Variants in SNX29 observed in about 807,000 individuals in gnomAD.
The protein encoded by SNX29 is sorting nexin-29.
SNX29 carries 78 observed loss-of-function variants against 102.1 expected under a neutral mutation model. That is an observed-to-expected ratio of 0.76 (90% CI 0.64 to 0.92). The LOEUF is 0.92. Among genes scored for constraint, SNX29 ranks in the 40% least tolerant of loss-of-function variants. SNX29 has a pLI of 0.00. For synonymous variants in SNX29, 580 were observed against 414.5 expected (o/e 1.40, Z -4.85); for missense variants, 1,280 against 1,061.7 (o/e 1.21, Z -2.86).
Position 12,254,597 on chromosome 16 carries a change from C to A in SNX29, c.1679-23336C>A, listed in dbSNP as rs190485771. ...CAGAGGTTGCAGTGAGCTGAGATTG[C>A]GCCACTGTATTCCAGCCTGGGTGAC... On this transcript the variant is annotated intron_variant, in intron 14 of 20. Transcript: ENST00000566228. Among the ~76,000 whole-genome samples, 47 of 151,778 alleles carry A rather than the reference C, an allele frequency of 3.1e-4. 1 individual carries two copies. The highest frequency in any genetic ancestry group is 1.1e-3 in the African/African-American group (46 of 41,362).
chr16:12,550,159 T>A (rs1040735224), intron 20 of SNX29, among the ~76,000 whole-genome samples: 2 of 152,164 alleles, frequency 1.3e-5, no homozygotes, highest in African/African-American at 4.8e-5. Flanking sequence ...CCGCATGTAG[T>A]GATATGGAAA....
chr16:12,280,539 T>A (rs1249745892), intron 15 of SNX29, among the ~76,000 whole-genome samples: 1 of 152,120 alleles, frequency 6.6e-6, no homozygotes, highest in African/African-American at 2.4e-5. Context: ...TTGTTTTTTT[T>A]ATCCCGGGAG....
chr16:12,471,950 T>C (rs2087362510), intron 18 of SNX29, among the ~76,000 whole-genome samples: 1 of 152,214 alleles, frequency 6.6e-6, no homozygotes. Flanking sequence ...CACACTGAGG[T>C]CTATGACTGC....
intron 14 of SNX29, among the ~76,000 whole-genome samples, chr16:12,265,625 C>CT (rs1425768649): frequency 3.8e-5 from 5 of 131,012 alleles, no homozygotes; most frequent in Non-Finnish European, 7.7e-5. Flanking sequence ...CACTGGGAGG[C>CT]TGAGGTGGGT....
chr16:12,324,246 C>T (rs567794350), intron 15 of SNX29, among the ~76,000 whole-genome samples: 3 of 151,964 alleles, frequency 2.0e-5, no homozygotes, highest in South Asian at 2.1e-4. Flanking sequence ...CAGCCCATCA[C>T]CACTGGTCTC....
chr16:12,062,115 A>G (rs2050800723), intron 9 of SNX29, among the ~76,000 whole-genome samples: 1 of 152,056 alleles, frequency 6.6e-6, no homozygotes, highest in South Asian at 2.1e-4. Context: ...GCGATATCTC[A>G]TGCCTGTAAT....
At chr16:12,047,875 T>C (rs1194459239) in intron 6 of SNX29, among the ~76,000 whole-genome samples, 48 of 152,070 alleles carry the variant, frequency 3.2e-4, no homozygotes, top group Non-Finnish European at 4.4e-5. Context: ...CAGGCTGGTC[T>C]CGAACTCCTG....
intron 19 of SNX29, among the ~76,000 whole-genome samples, chr16:12,514,807 G>A (rs1341830439): frequency 1.3e-5 from 2 of 152,088 alleles, no homozygotes; most frequent in East Asian, 1.9e-4. Flanking sequence ...GGAGGTTGCA[G>A]TGAGCCGAGA....
rs571553746 is a variant in SNX29, at chr16:12,231,053, A to ATG, written c.1678+31372_1678+31373dup. Among the ~76,000 whole-genome samples, 558 of 152,148 alleles carry ATG rather than the reference A, an allele frequency of 3.7e-3. 4 individuals carry two copies. The highest frequency in any genetic ancestry group is 0.013 in the African/African-American group (531 of 41,492). The stretch of plus-strand genomic sequence containing the variant: ...TTTTTATTACAGATGGGATTTCACC[A>ATG]TGTTGGCCAGGCTGGTCCCGAACTC... On this transcript the variant is annotated intron_variant, in intron 14 of 20. Transcript: ENST00000566228.
At chr16:11,998,043 C>T (rs1036016642) in intron 1 of SNX29, among the ~76,000 whole-genome samples, 2 of 152,196 alleles carry the variant, frequency 1.3e-5, no homozygotes, top group African/African-American at 4.8e-5. Context: ...ATGCGCCCAG[C>T]ACACGGTGGT....
intron 3 of SNX29, among the ~76,000 whole-genome samples, chr16:12,020,225 C>G (rs2056978106): frequency 6.6e-6 from 1 of 151,970 alleles, no homozygotes; most frequent in African/African-American, 2.4e-5. Context: ...TGGGCTCAAG[C>G]AACCCTTCTG....
At chr16:12,252,695 G>A (rs1596639396) in intron 14 of SNX29, among the ~76,000 whole-genome samples, 1 of 152,170 alleles carries the variant, frequency 6.6e-6, no homozygotes, top group Admixed American at 6.5e-5. Context: ...TGGCAGCCCC[G>A]TTGCGGTGCC....
chr16:12,179,246 G>T (rs2076329070), intron 13 of SNX29, among the ~76,000 whole-genome samples: 1 of 152,228 alleles, frequency 6.6e-6, no homozygotes, highest in Non-Finnish European at 1.5e-5. Context: ...AGCTTTGGGA[G>T]GCTGAGATGG....
intron 14 of SNX29, among the ~76,000 whole-genome samples, chr16:12,212,227 C>G (rs1236017370): frequency 2.0e-5 from 3 of 152,172 alleles, no homozygotes; most frequent in African/African-American, 7.2e-5. Flanking sequence ...GCCTTTCCCC[C>G]CGGAGACTGA....
At chr16:12,169,750 A>G (rs1385077875) in intron 13 of SNX29, among the ~76,000 whole-genome samples, 1 of 152,004 alleles carries the variant, frequency 6.6e-6, no homozygotes, top group East Asian at 2.0e-4. Context: ...AATGCCAGCT[A>G]CTTTGGGAGG....
chr16:12,515,444 C>A, intron 19 of SNX29: 1 of 472,848 alleles, frequency 2.1e-6, no homozygotes, highest in South Asian at 1.6e-5. Flanking sequence ...GCAAGTCACC[C>A]CTGAAATAGA....
intron 20 of SNX29, among the ~76,000 whole-genome samples, chr16:12,558,393 G>C (rs578206621): frequency 6.6e-6 from 1 of 152,302 alleles, no homozygotes; most frequent in African/African-American, 2.4e-5. Flanking sequence ...TACATAGAGT[G>C]ATATGTTAGC....
intron 9 of SNX29, among the ~76,000 whole-genome samples, chr16:12,066,470 G>T (rs933477511): frequency 6.6e-6 from 1 of 152,148 alleles, no homozygotes; most frequent in Non-Finnish European, 1.5e-5. Context: ...AGGCACAGCG[G>T]GGTATCCCAG....
chr16:12,422,232 A>G lies in SNX29; in HGVS notation c.2037+18703A>G, dbSNP rs574025050. On this transcript the variant is annotated intron_variant, in intron 18 of 20. Transcript: ENST00000566228. ...ATGGCTGTGTGACCTTGGGAAGGTT[A>G]TTGCACCTGTTGGGCCTCAGGTTAC... Among the ~76,000 whole-genome samples, 12 of 152,300 alleles carry G rather than the reference A, an allele frequency of 7.9e-5. No individual in the cohort carries two copies. The South Asian group carries it at 2.3e-3, about 29-fold the overall frequency.
Sources: gnomAD v4.1 joint callset for allele counts (sites outside exome capture counted in the v4.1 genomes callset) on GRCh38, gnomAD v4.1.1 for gene constraint, MANE v1.5 for transcripts, NCBI Gene and HGNC (gene_info 2026-07-23, HGNC 2026-07-21) for gene names.